SMPD3: variants seen among roughly 807,000 people sequenced by gnomAD.
SMPD3 encodes nSMase-2.
In SMPD3, 21 loss-of-function variants were observed where a neutral mutation model predicts 55.7. That is an observed-to-expected ratio of 0.38 (90% CI 0.27 to 0.54). The LOEUF (loss-of-function observed/expected upper bound fraction) is 0.54. Among genes scored for constraint, SMPD3 ranks in the 20% least tolerant of loss-of-function variants. The probability of loss-of-function intolerance (pLI) is 0.80; values close to 1 mark genes in which losing one functional copy is unlikely to be tolerated. For synonymous variants in SMPD3, 457 were observed against 404.3 expected, an observed-to-expected ratio of 1.13 and a Z score of -1.56; for missense variants, 842 against 899.6, an observed-to-expected ratio of 0.94 and a Z score of 0.82.
chr16:68,413,856 C>A (rs1335629699), intron 1 of SMPD3, among the ~76,000 whole-genome samples: 1 of 152,172 alleles, frequency 6.6e-6, no homozygotes, highest in African/African-American at 2.4e-5. Context: ...AAATATAAAA[C>A]CTGGCATGCT....
chr16:68,445,870 G>A (rs1352620597), intron 1 of SMPD3, among the ~76,000 whole-genome samples: 1 of 152,216 alleles, frequency 6.6e-6, no homozygotes, highest in Non-Finnish European at 1.5e-5. Flanking sequence ...TTATTGGGGA[G>A]GGCAGGTCTG....
rs2089187307 is a variant in SMPD3, at chr16:68,360,428, C to G, written c.*778G>C. The G allele has an allele frequency of 6.6e-6, 1 of 152,304 alleles. No homozygotes were observed. Among genetic ancestry groups the G allele is most frequent in the Admixed American group, 6.5e-5 (1 of 15,272 alleles). The allele number at this position is 152,304 out of a possible 1,614,324, so 9.4% of individuals were successfully genotyped here. A position where few individuals can be genotyped will look rare whatever the true frequency, so the allele number is the denominator to read the frequency against. ...AGATGGGAGGCTCCCGGAGGAGGCC[C>G]AGGGTGCCAGAGCCTGCCAGACTCT... On this transcript the variant is annotated 3_prime_UTR_variant, in exon 9 of 9. Coordinates refer to ENST00000219334, the MANE Select transcript of SMPD3 (RefSeq NM_018667.4).
chr16:68,416,433 T>G (rs1308663281), intron 1 of SMPD3, among the ~76,000 whole-genome samples: 1 of 152,220 alleles, frequency 6.6e-6, no homozygotes, highest in Admixed American at 6.5e-5. Context: ...ACCGCCCAGC[T>G]GGGTTTCTCC....
At chr16:68,397,501 G>C (rs1026075715) in intron 1 of SMPD3, among the ~76,000 whole-genome samples, 1 of 152,136 alleles carries the variant, frequency 6.6e-6, no homozygotes, top group Non-Finnish European at 1.5e-5. Context: ...TCAGCCTTGC[G>C]CCCTCCATTT....
chr16:68,361,658 C>G lies in SMPD3; in HGVS notation c.1811G>C (p.Arg604Pro). Residue 604 changes from arginine (R) to proline (P), a missense_variant, in exon 8 of 9, where the codon CGG (arginine) becomes CCG (proline). Physicochemically the swap from Arg to Pro is moderately radical, Grantham distance 103. Transcript: ENST00000219334. ...TGCATGCAGCATGTAGTCGATGCGC[C>G]GGCCGTTGCCCTTCAGCAGCTCCTT... ...GRKELLKGNG[R>P]RIDYMLHAEE... 1 of 1,612,226 alleles carries G rather than the reference C, an allele frequency of 6.2e-7. No individual in the cohort carries two copies. Among genetic ancestry groups the G allele is most frequent in the South Asian group, 1.1e-5 (1 of 91,084 alleles).
In SMPD3 at chr16:68,404,405, C is replaced by T. The variant is rs970763708; in HGVS notation, c.-268-17746G>A. Among the ~76,000 whole-genome samples the T allele has an allele frequency of 6.6e-5, 10 of 152,068 alleles. No homozygotes were observed. The highest frequency in any genetic ancestry group is 2.1e-4 in the South Asian group (1 of 4,824). On this transcript the variant is annotated intron_variant, in intron 1 of 8. Transcript: ENST00000219334. This position sits in a 1 kb window ranked among gnomAD's most constrained non-coding sequence, Gnocchi z 4.0. ...GTGAGCCACCATGACAGGGTTTCATCGTGTTGCCCAGGCTGGTCCTGAACT... is the reference window on the plus strand; with the variant it reads ...GTGAGCCACCATGACAGGGTTTCATTGTGTTGCCCAGGCTGGTCCTGAACT...
At chr16:68,413,737 T>G (rs2090319304) in intron 1 of SMPD3, among the ~76,000 whole-genome samples, 1 of 152,210 alleles carries the variant, frequency 6.6e-6, no homozygotes, top group Non-Finnish European at 1.5e-5. Context: ...GTGTGTTAAA[T>G]TCCTGTTTGT....
At chr16:68,374,577 C>T (rs2089761221) in intron 2 of SMPD3, among the ~76,000 whole-genome samples, 1 of 152,216 alleles carries the variant, frequency 6.6e-6, no homozygotes, top group Admixed American at 6.5e-5. Flanking sequence ...TGGTGGGTGT[C>T]CAGGTCCACC....
At chr16:68,373,409 G>A (rs1040736384) in intron 2 of SMPD3, among the ~76,000 whole-genome samples, 19 of 152,340 alleles carry the variant, frequency 1.2e-4, no homozygotes, top group African/African-American at 3.8e-4. Context: ...TCACCCCGTC[G>A]GGGAGCCTAT....
In SMPD3 at chr16:68,361,622, A is replaced by T; in HGVS notation, c.1847T>A (p.Leu616Gln). 6.2e-7 allele frequency: 1 copy of T among 1,609,528 alleles called. No individual in the cohort carries two copies. Among genetic ancestry groups the T allele is most frequent in the Non-Finnish European group, 8.5e-7 (1 of 1,179,946 alleles). The change falls in exon 8 of 9, where the codon CTG (leucine) becomes CAG (glutamine). Residue 616 changes from leucine to glutamine, a missense_variant. This residue lies in a region of SMPD3 where 649 missense variants were observed against 643.6 expected (regional missense o/e 1.01). Transcript: ENST00000219334. ...IDYMLHAEEG[L>Q]CPDWKAEVEE... ...ACTCACGGCCTTCCAGTCTGGGCAC[A>T]GCCCCTCCTCTGCATGCAGCATGTA...
intron 1 of SMPD3, among the ~76,000 whole-genome samples, chr16:68,399,019 C>T (rs2090184158): frequency 6.6e-6 from 1 of 152,222 alleles, no homozygotes; most frequent in African/African-American, 2.4e-5. Flanking sequence ...TAAACAGTCC[C>T]TCTGTTGATT....
rs1447238345 is a variant in SMPD3, at chr16:68,447,086, C to G, written c.-269+1267G>C. Among the ~76,000 whole-genome samples, 1 of 151,868 alleles carries G rather than the reference C, an allele frequency of 6.6e-6. No individual in the cohort carries two copies. The highest frequency in any genetic ancestry group is 2.4e-5 in the African/African-American group (1 of 41,386). On this transcript the variant is annotated intron_variant, in intron 1 of 8. Transcript: ENST00000219334. The surrounding 1 kb of genome is among the most constrained non-coding windows in gnomAD (Gnocchi z 5.1). ...CTGCCCGCGCCGCGCCCGAAGCCCC[C>G]CCTCCGCGGCCGCGCCCCCCGCCCA...
intron 8 of SMPD3, 61 bp downstream of exon 8, chr16:68,361,542 G>T: frequency 6.3e-7 from 1 of 1,584,426 alleles, no homozygotes; most frequent in South Asian, 1.1e-5. Flanking sequence ...GTCGAGAGCT[G>T]CAGGGCCCGG....
chr16:68,361,592 T>C lies in SMPD3; in HGVS notation c.1866+11A>G, dbSNP rs369093606. On this transcript the variant is annotated intron_variant, in intron 8 of 8. Coordinates refer to ENST00000219334, the MANE Select transcript of SMPD3 (RefSeq NM_018667.4). The stretch of plus-strand genomic sequence containing the variant: ...TTGCATGGCCCTGGCTGCTGGGCCC[T>C]CCTGACTCACGGCCTTCCAGTCTGG... 8.1e-6 allele frequency: 13 copies of C among 1,605,444 alleles called. No individual in the cohort carries two copies. The highest frequency in any genetic ancestry group is 6.6e-5 in the South Asian group (6 of 91,072).
intron 3 of SMPD3, 112 bp downstream of exon 3, chr16:68,370,747 A>G (rs1567782725): frequency 7.1e-7 from 1 of 1,407,382 alleles, no homozygotes; most frequent in African/African-American, 1.5e-5. Context: ...TCCCACTCCA[A>G]CCTCCCACTC....
At chr16:68,365,802 C>T (rs1009310499) in intron 3 of SMPD3, among the ~76,000 whole-genome samples, 21 of 152,180 alleles carry the variant, frequency 1.4e-4, no homozygotes, top group Admixed American at 6.5e-4. Flanking sequence ...TTACCCAAGA[C>T]GGAGCAGGTG....
chr16:68,425,533 C>A (rs1862755), intron 1 of SMPD3, among the ~76,000 whole-genome samples: 1 of 135,148 alleles, frequency 7.4e-6, no homozygotes, highest in African/African-American at 3.0e-5. Context: ...GCCATGAGGA[C>A]AATGGGTGGG....
chr16:68,363,404 G>A (rs1056902933), intron 7 of SMPD3, 92 bp downstream of exon 7: 15 of 1,427,498 alleles, frequency 1.1e-5, no homozygotes, highest in African/African-American at 2.8e-5. Flanking sequence ...TCATGAGCCC[G>A]AGCTGAGCTC....
At chr16:68,370,727 C>A in intron 3 of SMPD3, 132 bp downstream of exon 3, 1 of 1,213,060 alleles carries the variant, frequency 8.2e-7, no homozygotes, top group Non-Finnish European at 1.1e-6. Flanking sequence ...CAGGAAAGAC[C>A]GCGTCTGCCT....
Sources: gnomAD v4.1 joint callset for allele counts (sites outside exome capture counted in the v4.1 genomes callset) on GRCh38, gnomAD v4.1.1 for gene constraint, gnomAD v4.1.1 regional missense constraint, Gnocchi (gnomAD v3.1) non-coding constraint, MANE v1.5 for transcripts, NCBI Gene and HGNC (gene_info 2026-07-23, HGNC 2026-07-21) for gene names.